TYW1B: variants seen among roughly 807,000 people sequenced by gnomAD.
TYW1B encodes the protein S-adenosyl-L-methionine-dependent tRNA 4-demethylwyosine synthase TYW1B.
In TYW1B, 73 loss-of-function variants were observed where a neutral mutation model predicts 86.9. That is an observed-to-expected ratio of 0.84 (90% CI 0.70 to 1.02). The LOEUF is 1.02. Ranked by LOEUF, TYW1B falls within the 50% of genes least tolerant of loss-of-function variation. The pLI is 0.00. For synonymous variants in TYW1B, 248 were observed against 292.8 expected (o/e 0.85, Z 1.56); for missense variants, 637 against 827.4 (o/e 0.77, Z 2.82).
chr7:72,737,154 T>G (rs1474685640), intron 8 of TYW1B, among the ~76,000 whole-genome samples: 16 of 152,224 alleles, frequency 1.1e-4, no homozygotes, highest in African/African-American at 3.9e-4. Flanking sequence ...CAGAGGCTAT[T>G]TTAAGAATCC....
At chr7:72,760,957 C>T (rs1285303873) in intron 7 of TYW1B, among the ~76,000 whole-genome samples, 1 of 152,052 alleles carries the variant, frequency 6.6e-6, no homozygotes, top group African/African-American at 2.4e-5. Flanking sequence ...TATTGGACAC[C>T]GGATATTCAC....
At chr7:72,658,486 T>G (rs1412431221) in intron 11 of TYW1B, among the ~76,000 whole-genome samples, 29 of 152,316 alleles carry the variant, frequency 1.9e-4, no homozygotes, top group Non-Finnish European at 1.5e-5. Flanking sequence ...AAAGATGGTT[T>G]CTAAATTATA....
chr7:72,667,702 G>C (rs1813501981), intron 11 of TYW1B, among the ~76,000 whole-genome samples: 1 of 152,128 alleles, frequency 6.6e-6, no homozygotes, highest in Admixed American at 6.5e-5. Context: ...GGCAGAGCAA[G>C]ACTCCAGCTC....
chr7:72,815,629 C>T (rs1554479291), intron 2 of TYW1B, 148 bp from the exon 3 acceptor site: 3 of 672,104 alleles, frequency 4.5e-6, no homozygotes, highest in Non-Finnish European at 7.6e-6. Flanking sequence ...GCACTCTTAC[C>T]ATTTTCTTGG....
chr7:72,652,077 G>T (rs1165750333), intron 11 of TYW1B, among the ~76,000 whole-genome samples: 2 of 151,962 alleles, frequency 1.3e-5, no homozygotes, highest in Non-Finnish European at 2.9e-5. Flanking sequence ...CACCTCTGGC[G>T]CAACTTAAAA....
intron 8 of TYW1B, 50 bp from the exon 9 acceptor site, chr7:72,728,981 G>A: frequency 2.0e-6 from 3 of 1,536,582 alleles, no homozygotes; most frequent in South Asian, 1.2e-5. Context: ...ATAAGATCTG[G>A]GCTAGTCATT....
At chr7:72,794,697 A>AT (rs1258319589) in intron 6 of TYW1B, among the ~76,000 whole-genome samples, 11 of 152,302 alleles carry the variant, frequency 7.2e-5, no homozygotes, top group African/African-American at 2.6e-4. Context: ...GTCATGGAAG[A>AT]TATCTCCAAA....
chr7:72,652,406 A>AAAT (rs1563046617), intron 11 of TYW1B, among the ~76,000 whole-genome samples: 1 of 149,130 alleles, frequency 6.7e-6, no homozygotes, highest in African/African-American at 2.5e-5. Context: ...AAAAAAAAAA[A>AAAT]TTTTTGTGAC....
intron 11 of TYW1B, among the ~76,000 whole-genome samples, chr7:72,692,593 G>A (rs1215229664): frequency 6.6e-6 from 1 of 152,026 alleles, no homozygotes; most frequent in East Asian, 1.9e-4. Context: ...ACATAAGGAA[G>A]GAATCCAGCT....
In TYW1B at chr7:72,697,797, G is replaced by C. The variant is rs2690192; in HGVS notation, c.1371-2975C>G. The C allele has an allele frequency of 1.2e-4, 19 of 152,546 alleles. 1 individual carries two copies. The highest frequency in any genetic ancestry group is 6.2e-4 in the South Asian group (3 of 4,842). 9.4% of individuals were successfully genotyped at this position (152,546 alleles called of 1,614,324 possible). Reference sequence around the variant, plus strand: ...GTACAAATGCCCCAGGATTCTTGATGTGAGTACTGTAAGGACCCTTCATCT... The same window carrying C: ...GTACAAATGCCCCAGGATTCTTGATCTGAGTACTGTAAGGACCCTTCATCT... On this transcript the variant is annotated intron_variant, in intron 10 of 13. Coordinates refer to ENST00000620995, the MANE Select transcript of TYW1B (RefSeq NM_001145440.3).
Position 72,576,452 on chromosome 7 carries a change from TTAAC to T in TYW1B, c.1786-737_1786-734del, listed in dbSNP as rs1300442193. 5.3e-5 allele frequency among the ~76,000 whole-genome samples: 8 copies of T among 152,156 alleles called. No homozygotes were observed. In the East Asian group the frequency reaches 1.2e-3, roughly 22 times the overall value. ...TTTGGCATTCATTTGTGTAAATGTA[TTAAC>T]TAATACGCTGATACCTGACTCATAA... On this transcript the variant is annotated intron_variant, in intron 13 of 13. Transcript: ENST00000620995.
At chr7:72,757,558 C>A (rs558608847) in intron 7 of TYW1B, among the ~76,000 whole-genome samples, 4 of 151,944 alleles carry the variant, frequency 2.6e-5, no homozygotes, top group Admixed American at 6.6e-5. Flanking sequence ...TTGGAGAGAC[C>A]AGAAATAGGC....
intron 11 of TYW1B, among the ~76,000 whole-genome samples, chr7:72,675,592 T>TAC (rs1284059626): frequency 2.7e-5 from 4 of 150,546 alleles, no homozygotes; most frequent in Non-Finnish European, 4.4e-5. Flanking sequence ...CATATATATA[T>TAC]ATACACACAC....
chr7:72,663,521 G>A (rs1436361049), intron 11 of TYW1B, among the ~76,000 whole-genome samples: 1 of 151,914 alleles, frequency 6.6e-6, no homozygotes, highest in Non-Finnish European at 1.5e-5. Flanking sequence ...CACTTTGGGA[G>A]GCCGAAGCGG....
intron 11 of TYW1B, among the ~76,000 whole-genome samples, chr7:72,682,693 C>A (rs1406903284): frequency 6.6e-6 from 1 of 152,142 alleles, no homozygotes; most frequent in Non-Finnish European, 1.5e-5. Flanking sequence ...TTAGATCCAT[C>A]AGAGAAGTGA....
At chr7:72,692,837 A>G (rs34255758) in intron 11 of TYW1B, among the ~76,000 whole-genome samples, 2 of 152,148 alleles carry the variant, frequency 1.3e-5, no homozygotes, top group African/African-American at 2.4e-5. Flanking sequence ...AAGGGAGAAG[A>G]TGGTGGGCAC....
intron 13 of TYW1B, among the ~76,000 whole-genome samples, chr7:72,615,978 G>A (rs1484043817): frequency 2.0e-5 from 3 of 151,918 alleles, no homozygotes; most frequent in Non-Finnish European, 2.9e-5. Context: ...ATATAATGAC[G>A]TCTAACATAT....
chr7:72,639,683 G>A (rs1812757164), intron 11 of TYW1B, among the ~76,000 whole-genome samples: 1 of 151,898 alleles, frequency 6.6e-6, no homozygotes. Context: ...GGCCAACATG[G>A]TGAAATGCAG....
intron 11 of TYW1B, among the ~76,000 whole-genome samples, chr7:72,656,309 C>G (rs1424609630): frequency 2.0e-5 from 3 of 152,108 alleles, no homozygotes; most frequent in Non-Finnish European, 4.4e-5. Context: ...AGGAAAAAGT[C>G]TTTGCCTCTG....
Sources: gnomAD v4.1 joint callset for allele counts (sites outside exome capture counted in the v4.1 genomes callset) on GRCh38, gnomAD v4.1.1 for gene constraint, MANE v1.5 for transcripts, NCBI Gene and HGNC (gene_info 2026-07-23, HGNC 2026-07-21) for gene names.